DNAH14: variants seen among roughly 807,000 people sequenced by gnomAD.
DNAH14 encodes the protein axonemal beta dynein heavy chain 14.
DNAH14 carries 478 observed loss-of-function variants against 520.9 expected under a neutral mutation model. That is an observed-to-expected ratio of 0.92 (90% confidence interval 0.85 to 0.99). The LOEUF (loss-of-function observed/expected upper bound fraction) is 0.99, where lower values mean the gene tolerates loss of function less well. Ranked by LOEUF, DNAH14 falls within the 50% of genes least tolerant of loss-of-function variation. The probability of loss-of-function intolerance (pLI) is 0.00; values close to 1 mark genes in which losing one functional copy is unlikely to be tolerated. For missense variants in DNAH14, 4,831 were observed against 5,234.5 expected (o/e 0.92, Z 2.38); for synonymous variants, 1,581 against 1,757.2 (o/e 0.90, Z 2.51).
chr1:224,941,481 C>G (rs2059416780), intron 1 of DNAH14, among the ~76,000 whole-genome samples: 1 of 152,130 alleles, frequency 6.6e-6, no homozygotes, highest in Non-Finnish European at 1.5e-5. Context: ...CCTGTTGACT[C>G]TGATGGTAGT....
chr1:225,047,629 C>A (rs1382007495), intron 15 of DNAH14, among the ~76,000 whole-genome samples: 1 of 152,176 alleles, frequency 6.6e-6, no homozygotes, highest in East Asian at 1.9e-4. Flanking sequence ...GGACACACTT[C>A]TCAGAATATA....
At chr1:225,091,107 C>A (rs1430513809) in intron 21 of DNAH14, among the ~76,000 whole-genome samples, 1 of 151,998 alleles carries the variant, frequency 6.6e-6, no homozygotes, top group African/African-American at 2.4e-5. Flanking sequence ...ATGAATGGAT[C>A]TATGATTCAT....
chr1:225,273,751 T>C (rs757593073), intron 52 of DNAH14, among the ~76,000 whole-genome samples: 22 of 152,316 alleles, frequency 1.4e-4, no homozygotes, highest in Non-Finnish European at 2.5e-4. Flanking sequence ...TTTAGTTTTC[T>C]TACTGCCTGT....
At chr1:225,074,801 A>G (rs1465784266) in intron 17 of DNAH14, among the ~76,000 whole-genome samples, 10 of 152,240 alleles carry the variant, frequency 6.6e-5, no homozygotes. Flanking sequence ...AACAGCAAAC[A>G]TAGTGGCCTG....
intron 41 of DNAH14, among the ~76,000 whole-genome samples, chr1:225,220,105 C>A (rs1319816764): frequency 2.0e-5 from 3 of 152,168 alleles, no homozygotes; most frequent in Non-Finnish European, 4.4e-5. Flanking sequence ...TATAATTCAA[C>A]ACACCTTTAT....
At chr1:225,172,283 A>T (rs2082779215) in intron 36 of DNAH14, among the ~76,000 whole-genome samples, 1 of 152,182 alleles carries the variant, frequency 6.6e-6, no homozygotes, top group Admixed American at 6.5e-5. Context: ...CAGGAGAAGG[A>T]AATAAAGGGC....
At chr1:225,212,028 G>A (rs960093327) in intron 41 of DNAH14, among the ~76,000 whole-genome samples, 12 of 151,204 alleles carry the variant, frequency 7.9e-5, no homozygotes, top group African/African-American at 2.9e-4. Flanking sequence ...TTTACATTAG[G>A]TATATCTCCT....
rs915198451 is a variant in DNAH14, at chr1:225,199,687, G to A, written c.5887-4496G>A. Among the ~76,000 whole-genome samples, 8 of 152,178 alleles carry A rather than the reference G, an allele frequency of 5.3e-5. No homozygotes were observed. In the East Asian group the frequency reaches 1.4e-3, roughly 26 times the overall value. Reference sequence around the variant, plus strand: ...CTTGATTTCCAATTTTATTTCCACTGAGGTCTGAGAGAGTGCTTGATATAA... The same window carrying A: ...CTTGATTTCCAATTTTATTTCCACTAAGGTCTGAGAGAGTGCTTGATATAA... On this transcript the variant is annotated intron_variant, in intron 38 of 85. Coordinates refer to ENST00000682510, the MANE Select transcript of DNAH14 (RefSeq NM_001367479.1).
chr1:225,299,257 C>T (rs1377798185), intron 55 of DNAH14, among the ~76,000 whole-genome samples: 2 of 152,112 alleles, frequency 1.3e-5, no homozygotes, highest in Non-Finnish European at 2.9e-5. Flanking sequence ...TTAGGAATGC[C>T]ACCTCAGATT....
At chr1:225,299,180 C>A (rs2094083222) in intron 55 of DNAH14, among the ~76,000 whole-genome samples, 1 of 152,224 alleles carries the variant, frequency 6.6e-6, no homozygotes, top group Admixed American at 6.5e-5. Context: ...GCAAAAATTG[C>A]TAATCACTCA....
rs2061663726 is a variant in DNAH14, at chr1:224,974,156, A to G, written c.830+3A>G. On this transcript the variant is annotated splice_donor_region_variant and intron_variant, in intron 8 of 85. Coordinates refer to ENST00000682510, the MANE Select transcript of DNAH14 (RefSeq NM_001367479.1). ...AGAATTAAGACAGAGAAGAGCAGGT[A>G]AGTTTTGATACGCAATATATAAAAA... The G allele has an allele frequency of 4.1e-6, 6 of 1,466,354 alleles. No individual in the cohort carries two copies. The South Asian group carries it at 7.3e-5, about 18-fold the overall frequency. 90.8% of individuals were successfully genotyped at this position (1,466,354 alleles called of 1,614,324 possible).
chr1:225,092,295 C>G (rs80202411), intron 21 of DNAH14, among the ~76,000 whole-genome samples: 3 of 151,410 alleles, frequency 2.0e-5, no homozygotes, highest in African/African-American at 7.3e-5. Flanking sequence ...TAAAACAATT[C>G]TCAGCAAATT....
intron 36 of DNAH14, 33 bp downstream of exon 36, chr1:225,168,061 G>C (rs764068239): frequency 8.2e-7 from 1 of 1,213,452 alleles, no homozygotes; most frequent in South Asian, 1.4e-5. Flanking sequence ...GCAATCCTTT[G>C]CCTGTATTTC....
At position 225,038,766 on chromosome 1, in the gene DNAH14, G is replaced by A; in HGVS notation, c.1431G>A (p.Lys477=). 6.5e-7 allele frequency: 1 copy of A among 1,534,690 alleles called. No individual in the cohort carries two copies. Among genetic ancestry groups the A allele is most frequent in the Non-Finnish European group, 8.8e-7 (1 of 1,141,028 alleles). ...NDCEELVDNS[K]LHAISVQKSE... is the part of the protein sequence containing the mutation. Reference sequence around the variant, plus strand: ...GTGAAGAACTTGTTGATAATTCAAAGTTACATGCTATTTCTGTTCAAAAGT... The same window carrying A: ...GTGAAGAACTTGTTGATAATTCAAAATTACATGCTATTTCTGTTCAAAAGT... Residue 477 remains lysine, a synonymous_variant, in exon 12 of 86, where the codon AAG becomes AAA. Coordinates refer to ENST00000682510, the MANE Select transcript of DNAH14 (RefSeq NM_001367479.1).
chr1:225,045,053 C>T (rs533809838), intron 15 of DNAH14, among the ~76,000 whole-genome samples: 4 of 152,030 alleles, frequency 2.6e-5, no homozygotes, highest in South Asian at 2.1e-4. Flanking sequence ...TTTGGAGTTA[C>T]GAACTTTTCT....
intron 11 of DNAH14, among the ~76,000 whole-genome samples, chr1:225,026,478 C>G (rs1044481638): frequency 6.6e-6 from 1 of 151,962 alleles, no homozygotes; most frequent in East Asian, 1.9e-4. Flanking sequence ...ATACGAATAT[C>G]CAGTTGTCCC....
At chr1:225,354,257 A>G (rs1251163925) in intron 73 of DNAH14, 1 of 701,958 alleles carries the variant, frequency 1.4e-6, no homozygotes, top group African/African-American at 1.7e-5. Context: ...ATGGCTGACC[A>G]GCACTGCTTG....
intron 42 of DNAH14, among the ~76,000 whole-genome samples, chr1:225,237,761 G>A (rs899526607): frequency 2.0e-5 from 3 of 151,820 alleles, no homozygotes; most frequent in Non-Finnish European, 2.9e-5. Flanking sequence ...TCATAGGTTC[G>A]GTATCCTTAC....
At chr1:225,338,720 C>T (rs188738725) in intron 68 of DNAH14, among the ~76,000 whole-genome samples, 2 of 152,250 alleles carry the variant, frequency 1.3e-5, no homozygotes, top group Admixed American at 6.5e-5. Flanking sequence ...AAATGTGATT[C>T]CCAAGAAATA....
Sources: gnomAD v4.1 joint callset for allele counts (sites outside exome capture counted in the v4.1 genomes callset) on GRCh38, gnomAD v4.1.1 for gene constraint, MANE v1.5 for transcripts, NCBI Gene and HGNC (gene_info 2026-07-23, HGNC 2026-07-21) for gene names.